Variants in SUSD1 observed in about 807,000 individuals in gnomAD.
SUSD1 encodes sushi domain containing 1, also known as sushi domain-containing protein 1.
SUSD1 carries 65 observed loss-of-function variants against 86.9 expected under a neutral mutation model. The ratio of observed to expected loss-of-function variants is 0.75; its 90% CI spans 0.61 to 0.92. SUSD1 has a LOEUF of 0.92. SUSD1 is among the 40% of genes least tolerant of loss of function. The pLI is 0.00. For synonymous variants in SUSD1, 346 were observed against 350.0 expected (o/e 0.99, Z 0.13); for missense variants, 850 against 929.7 (o/e 0.91, Z 1.11).
intron 3 of SUSD1, chr9:112,146,249 A>C (rs1832805326): frequency 6.6e-6 from 1 of 152,224 alleles, no homozygotes; most frequent in African/African-American, 2.4e-5. Flanking sequence ...TCACAAGGAA[A>C]GGTCATGGGA....
At chr9:112,163,385 T>C (rs1833649717) in intron 1 of SUSD1, among the ~76,000 whole-genome samples, 1 of 151,966 alleles carries the variant, frequency 6.6e-6, no homozygotes, top group African/African-American at 2.4e-5. Flanking sequence ...CAGGCTGGTT[T>C]CAAGCTCCTG....
intron 6 of SUSD1, among the ~76,000 whole-genome samples, chr9:112,117,912 C>T (rs1486931057): frequency 2.0e-5 from 3 of 152,122 alleles, no homozygotes; most frequent in African/African-American, 7.2e-5. Context: ...TGGTGAGATG[C>T]TACAGTGAAG....
chr9:112,115,120 C>T (rs1342582211), intron 6 of SUSD1, among the ~76,000 whole-genome samples: 1 of 152,178 alleles, frequency 6.6e-6, no homozygotes, highest in African/African-American at 2.4e-5. Flanking sequence ...CCCGTTTCTC[C>T]CTTCTAGTAA....
chr9:112,161,143 T>C (rs700108), intron 1 of SUSD1, among the ~76,000 whole-genome samples: 100,512 of 151,888 alleles, frequency 0.66, 33,504 homozygotes, highest in African/African-American at 0.73. Context: ...TTTGGGAGGC[T>C]GAGGCAGGTG....
Position 112,072,740 on chromosome 9 carries a change from G to A in SUSD1, c.1753+5798C>T, listed in dbSNP as rs552374738. Among the ~76,000 whole-genome samples the A allele has an allele frequency of 2.6e-4, 40 of 152,316 alleles. 1 individual carries two copies. In the South Asian group the frequency reaches 8.1e-3, roughly 31 times the overall value. On this transcript the variant is annotated intron_variant, in intron 12 of 16. Transcript: ENST00000374270. ...TTTCTGGGAATGAGAGAAATACGTGGACTGTGGAAGCATGGAAGGGCAAAC... is the reference window on the plus strand; with the variant it reads ...TTTCTGGGAATGAGAGAAATACGTGAACTGTGGAAGCATGGAAGGGCAAAC...
At chr9:112,042,960 A>C (rs1014168612) in intron 15 of SUSD1, among the ~76,000 whole-genome samples, 1 of 152,184 alleles carries the variant, frequency 6.6e-6, no homozygotes, top group Non-Finnish European at 1.5e-5. Flanking sequence ...AACCGAGAAA[A>C]TTATAACCGT....
At chr9:112,119,904 C>T (rs1451046652) in intron 6 of SUSD1, among the ~76,000 whole-genome samples, 1 of 152,032 alleles carries the variant, frequency 6.6e-6, no homozygotes, top group Non-Finnish European at 1.5e-5. Flanking sequence ...TTACAAACAA[C>T]CCAGGTAAAG....
intron 1 of SUSD1, among the ~76,000 whole-genome samples, chr9:112,165,513 G>A (rs1833745955): frequency 6.6e-6 from 1 of 150,422 alleles, no homozygotes; most frequent in Non-Finnish European, 1.5e-5. Context: ...AGGCTCAAGC[G>A]ATTCTTGTGT....
At chr9:112,157,956 T>TG (rs1833407345) in intron 1 of SUSD1, among the ~76,000 whole-genome samples, 1 of 151,854 alleles carries the variant, frequency 6.6e-6, no homozygotes, top group African/African-American at 2.4e-5. Context: ...CCCAAGTAGC[T>TG]GGGACTATAG....
rs1353477405 is a variant in SUSD1 at position 112,124,439 on chromosome 9, G to A, written c.707-3C>T. On this transcript the variant is annotated splice_polypyrimidine_tract_variant and splice_region_variant and intron_variant, in intron 5 of 16. Transcript: ENST00000374270. ...TGGAGGGTTGCCACAGTTGATCTCTGCAATGGGAACCAAGACAGCACTGGT... is the reference window on the plus strand; with the variant it reads ...TGGAGGGTTGCCACAGTTGATCTCTACAATGGGAACCAAGACAGCACTGGT... 1 of 1,613,224 alleles carries A rather than the reference G, an allele frequency of 6.2e-7. No homozygotes were observed. The highest frequency in any genetic ancestry group is 1.7e-5 in the Admixed American group (1 of 59,936).
At chr9:112,069,244 C>T (rs964380383) in intron 12 of SUSD1, among the ~76,000 whole-genome samples, 1 of 151,984 alleles carries the variant, frequency 6.6e-6, no homozygotes. Flanking sequence ...AGAATTTCTC[C>T]CAGAGTCTCT....
intron 5 of SUSD1, among the ~76,000 whole-genome samples, chr9:112,128,945 T>C (rs1270615190): frequency 6.6e-6 from 1 of 152,194 alleles, no homozygotes; most frequent in African/African-American, 2.4e-5. Context: ...TTGGGTTTTA[T>C]TTTAAAAGCA....
At chr9:112,143,419 A>G (rs967918843) in intron 4 of SUSD1, 52 bp downstream of exon 4, 2 of 1,592,110 alleles carry the variant, frequency 1.3e-6, no homozygotes, top group Admixed American at 1.7e-5. Flanking sequence ...GAAGAAAGTC[A>G]CCATCAACAG....
chr9:112,079,247 T>C (rs1410675830), intron 11 of SUSD1, among the ~76,000 whole-genome samples: 1 of 152,094 alleles, frequency 6.6e-6, no homozygotes, highest in Non-Finnish European at 1.5e-5. Context: ...ATTATTTGTA[T>C]AATAAATATA....
intron 10 of SUSD1, among the ~76,000 whole-genome samples, chr9:112,096,580 C>A (rs764700244): frequency 1.4e-4 from 21 of 152,188 alleles, no homozygotes; most frequent in Non-Finnish European, 2.9e-4. Context: ...TGCTCTATTG[C>A]CCAGGCTGAA....
chr9:112,052,833 G>A (rs908229895), intron 14 of SUSD1, among the ~76,000 whole-genome samples: 1 of 152,178 alleles, frequency 6.6e-6, no homozygotes, highest in Non-Finnish European at 1.5e-5. Context: ...AGTGATGCAT[G>A]TTAGAGGCAA....
intron 9 of SUSD1, among the ~76,000 whole-genome samples, chr9:112,101,956 C>T (rs185987618): frequency 3.3e-5 from 5 of 152,224 alleles, no homozygotes; most frequent in Admixed American, 3.3e-4. Flanking sequence ...CTTGAAATGC[C>T]AGGCACAGAA....
At chr9:112,122,417 C>T (rs960701380) in intron 6 of SUSD1, among the ~76,000 whole-genome samples, 13 of 152,280 alleles carry the variant, frequency 8.5e-5, no homozygotes, top group African/African-American at 3.1e-4. Flanking sequence ...GCCTTGGCCT[C>T]TCAAAGTGCT....
At chr9:112,129,313 G>A (rs961796972) in intron 5 of SUSD1, among the ~76,000 whole-genome samples, 2 of 152,012 alleles carry the variant, frequency 1.3e-5, no homozygotes, top group South Asian at 2.1e-4. Context: ...TTGTTTCAGG[G>A]GATTTTGTTT....
Sources: gnomAD v4.1 joint callset for allele counts (sites outside exome capture counted in the v4.1 genomes callset) on GRCh38, gnomAD v4.1.1 for gene constraint, MANE v1.5 for transcripts, NCBI Gene and HGNC (gene_info 2026-07-23, HGNC 2026-07-21) for gene names.